SYT16: variants seen among roughly 807,000 people sequenced by gnomAD.
SYT16 encodes the protein synaptotagmin 16.
SYT16 carries 42 observed loss-of-function variants against 61.4 expected under a neutral mutation model. That is an observed-to-expected ratio of 0.68 (90% CI 0.53 to 0.89). SYT16 has a LOEUF of 0.89. SYT16 is among the 40% of genes least tolerant of loss of function. SYT16 has a pLI of 0.00. For synonymous variants in SYT16, 314 were observed against 302.3 expected, an observed-to-expected ratio of 1.04 and a Z score of -0.40; for missense variants, 804 against 807.3, an observed-to-expected ratio of 1.00 and a Z score of 0.05.
At chr14:62,040,432 C>G (rs1271695052) in intron 3 of SYT16, among the ~76,000 whole-genome samples, 1 of 152,116 alleles carries the variant, frequency 6.6e-6, no homozygotes, top group African/African-American at 2.4e-5. Context: ...TGTATTTATC[C>G]ACATAGTGAT....
intron 4 of SYT16, among the ~76,000 whole-genome samples, chr14:62,070,948 A>G (rs193233621): frequency 6.6e-6 from 1 of 152,320 alleles, no homozygotes; most frequent in African/African-American, 2.4e-5. Flanking sequence ...GGATGAGCAC[A>G]GGACAAGCAG....
chr14:62,001,016 T>G (rs2052992212), intron 3 of SYT16, among the ~76,000 whole-genome samples: 1 of 152,048 alleles, frequency 6.6e-6, no homozygotes, highest in Non-Finnish European at 1.5e-5. Flanking sequence ...GAACTGTGAT[T>G]GTGCCACTGC....
intron 3 of SYT16, among the ~76,000 whole-genome samples, chr14:62,063,565 G>C (rs748009501): frequency 2.0e-5 from 3 of 152,040 alleles, no homozygotes; most frequent in Admixed American, 6.5e-5. Context: ...CTGTCAGCTT[G>C]GCTTCACATT....
intron 1 of SYT16, among the ~76,000 whole-genome samples, chr14:61,966,398 A>T (rs998755338): frequency 1.3e-5 from 2 of 152,142 alleles, no homozygotes; most frequent in Non-Finnish European, 2.9e-5. Flanking sequence ...ATTGAACATT[A>T]TCATCATTTT....
intron 3 of SYT16, among the ~76,000 whole-genome samples, chr14:62,005,915 T>G (rs6573408): frequency 0.53 from 79,851 of 151,862 alleles, 22,075 homozygotes; most frequent in East Asian, 0.75. Context: ...GAATTGGGAA[T>G]GCACCATGGG....
intron 1 of SYT16, among the ~76,000 whole-genome samples, chr14:61,866,013 A>T (rs2047141421): frequency 6.6e-6 from 1 of 152,220 alleles, no homozygotes. Flanking sequence ...GATAGAATAC[A>T]TCCTACAGAA....
intron 4 of SYT16, among the ~76,000 whole-genome samples, chr14:62,074,214 C>T (rs954220903): frequency 2.6e-5 from 4 of 151,902 alleles, no homozygotes; most frequent in Non-Finnish European, 4.4e-5. Flanking sequence ...TGTAGGAAGA[C>T]GAAAGGGATG....
At chr14:62,077,503 AG>A (rs1165716356) in intron 5 of SYT16, 2 of 152,194 alleles carry the variant, frequency 1.3e-5, no homozygotes, top group Non-Finnish European at 2.9e-5. Flanking sequence ...ACAGGGAGAC[AG>A]GTGTCCCACT....
chr14:62,090,256 A>G (rs2057026582), intron 7 of SYT16, among the ~76,000 whole-genome samples: 2 of 152,212 alleles, frequency 1.3e-5, no homozygotes, highest in African/African-American at 4.8e-5. Flanking sequence ...CCCTCCAGTT[A>G]AAAACAAGTT....
chr14:61,934,122 A>T (rs1409018540), intron 1 of SYT16, among the ~76,000 whole-genome samples: 1 of 152,148 alleles, frequency 6.6e-6, no homozygotes, highest in African/African-American at 2.4e-5. Context: ...AGCTTATGAG[A>T]TATTTCTATG....
chr14:61,941,270 G>A (rs970598738), intron 1 of SYT16, among the ~76,000 whole-genome samples: 2 of 152,092 alleles, frequency 1.3e-5, no homozygotes, highest in African/African-American at 4.8e-5. Flanking sequence ...GTGATGCCTC[G>A]TTAAATGCTT....
rs193192326 is a variant in SYT16, at chr14:61,839,595, C to T, written c.-325+26785C>T. Among the ~76,000 whole-genome samples the T allele has an allele frequency of 3.3e-5, 5 of 152,224 alleles. No homozygotes were observed. In the East Asian group the frequency reaches 5.8e-4, roughly 18 times the overall value. On this transcript the variant is annotated intron_variant, in intron 1 of 7. Transcript: ENST00000683842. ...CAGTACATTCAGGCAGTGAGAACTG[C>T]ACCAGTACAAGTGTGGGAATGCTCT...
intron 3 of SYT16, among the ~76,000 whole-genome samples, chr14:62,052,043 T>C (rs1481183203): frequency 6.6e-6 from 1 of 152,214 alleles, no homozygotes; most frequent in African/African-American, 2.4e-5. Context: ...GATTTTGTTA[T>C]GTTTTCTTTA....
At chr14:62,081,389 A>G in intron 6 of SYT16, 115 bp downstream of exon 6, 1 of 1,202,968 alleles carries the variant, frequency 8.3e-7, no homozygotes, top group Non-Finnish European at 1.1e-6. Context: ...TTAATTTTCC[A>G]TTTGGCTCTC....
intron 3 of SYT16, among the ~76,000 whole-genome samples, chr14:62,004,405 A>T (rs936610306): frequency 6.6e-6 from 1 of 152,112 alleles, no homozygotes; most frequent in African/African-American, 2.4e-5. Context: ...CCCTCCACAC[A>T]TGGGGATTAC....
chr14:61,946,086 C>T (rs1181488929), intron 1 of SYT16, among the ~76,000 whole-genome samples: 1 of 151,998 alleles, frequency 6.6e-6, no homozygotes, highest in East Asian at 1.9e-4. Context: ...GGAGAGATAG[C>T]ATTAGGAGAA....
At chr14:61,968,717 CA>C (rs957794719) in intron 1 of SYT16, among the ~76,000 whole-genome samples, 1 of 152,284 alleles carries the variant, frequency 6.6e-6, no homozygotes, top group East Asian at 1.9e-4. Context: ...CACTGAAGCA[CA>C]AAGAGGTTAA....
At chr14:61,818,852 T>C (rs1408959906) in intron 1 of SYT16, among the ~76,000 whole-genome samples, 1 of 152,176 alleles carries the variant, frequency 6.6e-6, no homozygotes, top group African/African-American at 2.4e-5. Flanking sequence ...AACCTGCTTG[T>C]TCTTGTTTTG....
intron 3 of SYT16, among the ~76,000 whole-genome samples, chr14:62,046,366 T>A (rs998759109): frequency 5.3e-5 from 8 of 152,226 alleles, no homozygotes; most frequent in South Asian, 4.2e-4. Context: ...CTTTGTCACA[T>A]GAGTAGGTTG....
Sources: allele counts gnomAD v4.1 joint callset (sites outside exome capture counted in the v4.1 genomes callset), GRCh38; gene constraint gnomAD v4.1.1; transcripts MANE v1.5; gene names NCBI Gene and HGNC (gene_info 2026-07-23, HGNC 2026-07-21).